The following ZNF827 variants were observed in gnomAD, a reference collection of about 807,000 sequenced individuals.
ZNF827 encodes zinc finger protein 827.
ZNF827 carries 13 observed loss-of-function variants against 102.4 expected under a neutral mutation model. The observed-to-expected ratio is 0.13, with a 90% CI of 0.08 to 0.20. The LOEUF (loss-of-function observed/expected upper bound fraction) is 0.20. Ranked by LOEUF, ZNF827 falls within the 10% of genes least tolerant of loss-of-function variation. ZNF827 has a pLI of 1.00. For missense variants in ZNF827, 1,103 were observed against 1,344.4 expected, an observed-to-expected ratio of 0.82 and a Z score of 2.81; for synonymous variants, 523 against 536.2, an observed-to-expected ratio of 0.98 and a Z score of 0.34.
At chr4:145,879,070 G>C (rs1749444154) in intron 4 of ZNF827, among the ~76,000 whole-genome samples, 1 of 152,100 alleles carries the variant, frequency 6.6e-6, no homozygotes, top group Admixed American at 6.5e-5. Flanking sequence ...TGAAGCCAAG[G>C]AAAATAAACA....
At chr4:145,816,146 A>C (rs1381126009) in intron 8 of ZNF827, among the ~76,000 whole-genome samples, 1 of 152,222 alleles carries the variant, frequency 6.6e-6, no homozygotes, top group South Asian at 2.1e-4. Flanking sequence ...CTGGGATTAT[A>C]GGTGTGGGCC....
chr4:145,932,096 T>C (rs1753850390), intron 1 of ZNF827, among the ~76,000 whole-genome samples: 1 of 152,184 alleles, frequency 6.6e-6, no homozygotes, highest in Non-Finnish European at 1.5e-5. Context: ...GTACCATCAT[T>C]GAAGCAGAGA....
chr4:145,861,871 T>C (rs536228397), intron 5 of ZNF827, among the ~76,000 whole-genome samples: 1 of 152,354 alleles, frequency 6.6e-6, no homozygotes, highest in Non-Finnish European at 1.5e-5. Context: ...TTTTCGTGGC[T>C]ATATTAACAT....
chr4:145,855,017 G>A (rs757155357), intron 5 of ZNF827, among the ~76,000 whole-genome samples: 4 of 152,180 alleles, frequency 2.6e-5, no homozygotes, highest in Non-Finnish European at 5.9e-5. Context: ...TGCTATGTTT[G>A]CCCCATACAT....
chr4:145,789,394 T>C (rs190696873), intron 8 of ZNF827, among the ~76,000 whole-genome samples: 1 of 152,222 alleles, frequency 6.6e-6, no homozygotes, highest in African/African-American at 2.4e-5. Context: ...TTGTTAAAAG[T>C]ATATTAAGGA....
At chr4:145,913,528 T>C (rs962001782) in intron 1 of ZNF827, among the ~76,000 whole-genome samples, 2 of 151,986 alleles carry the variant, frequency 1.3e-5, no homozygotes, top group Non-Finnish European at 2.9e-5. Context: ...CTTACATCCT[T>C]ACTCACGTTT....
At chr4:145,927,898 C>T (rs756243414) in intron 1 of ZNF827, among the ~76,000 whole-genome samples, 21 of 152,156 alleles carry the variant, frequency 1.4e-4, no homozygotes, top group Non-Finnish European at 2.6e-4. Flanking sequence ...TACTGTTTTC[C>T]GTTTTACATG....
At chr4:145,780,432 A>T (rs1451467503) in intron 8 of ZNF827, among the ~76,000 whole-genome samples, 1 of 152,212 alleles carries the variant, frequency 6.6e-6, no homozygotes, top group African/African-American at 2.4e-5. Context: ...ATGAACCAGA[A>T]TTTCCCCCAA....
intron 1 of ZNF827, among the ~76,000 whole-genome samples, chr4:145,931,273 C>T (rs1049896129): frequency 1.3e-4 from 20 of 151,994 alleles, no homozygotes; most frequent in African/African-American, 2.7e-4. Flanking sequence ...TACACTTAGC[C>T]CTAGATGGAA....
At position 145,857,981 on chromosome 4, in the gene ZNF827, C is replaced by T. The variant is rs79892903; in HGVS notation, c.1982-8420G>A. ...GAAAAAAGAAAAAAATGGAAAGGGT[C>T]AATTAAAGTATCTGATCTAACCTTA... is the stretch of plus-strand genomic sequence containing the variant. On this transcript the variant is annotated intron_variant, in intron 5 of 14. Coordinates refer to ENST00000508784, the MANE Select transcript of ZNF827 (RefSeq NM_001306215.2). Among the ~76,000 whole-genome samples the T allele has an allele frequency of 1.5e-3, 221 of 152,280 alleles. 1 individual carries two copies. Among genetic ancestry groups the T allele is most frequent in the African/African-American group, 5.1e-3 (213 of 41,554 alleles).
At chr4:145,845,446 T>C (rs530744740) in intron 7 of ZNF827, among the ~76,000 whole-genome samples, 1 of 152,360 alleles carries the variant, frequency 6.6e-6, no homozygotes, top group African/African-American at 2.4e-5. Flanking sequence ...ATTATCTTTT[T>C]TCTGCCTTTA....
At chr4:145,789,330 T>G (rs185981969) in intron 8 of ZNF827, among the ~76,000 whole-genome samples, 93 of 152,300 alleles carry the variant, frequency 6.1e-4, no homozygotes, top group Non-Finnish European at 1.1e-3. Flanking sequence ...AGTGCATAAA[T>G]AGTTTCATCC....
intron 8 of ZNF827, among the ~76,000 whole-genome samples, chr4:145,788,788 T>C (rs892402097): frequency 3.3e-5 from 5 of 152,226 alleles, no homozygotes; most frequent in African/African-American, 7.2e-5. Flanking sequence ...CAATGGGCCC[T>C]CAGAATGTCC....
rs1022843194 is a variant in ZNF827, at chr4:145,761,084, G to T, written c.*532C>A. ...TGGGAGGCAGACATAACTGACAGGG[G>T]AGACAGGAGATTCCGGGAGCTCCCG... is the stretch of plus-strand genomic sequence containing the variant. On this transcript the variant is annotated 3_prime_UTR_variant, in exon 15 of 15. Transcript: ENST00000508784. The surrounding 1 kb of genome is among the most constrained non-coding windows in gnomAD (Gnocchi z 6.8). 6.2e-6 allele frequency: 8 copies of T among 1,289,462 alleles called. No homozygotes were observed. The highest frequency in any genetic ancestry group is 8.1e-6 in the Non-Finnish European group (8 of 988,722). The allele number at this position is 1,289,462 out of a possible 1,614,324, so 79.9% of individuals were successfully genotyped here. A position where few individuals can be genotyped will look rare whatever the true frequency, so the allele number is the denominator to read the frequency against.
intron 8 of ZNF827, among the ~76,000 whole-genome samples, chr4:145,807,805 A>AC (rs1368448068): frequency 4.6e-5 from 7 of 151,654 alleles, no homozygotes; most frequent in African/African-American, 1.7e-4. Flanking sequence ...AAAAACAAAA[A>AC]AAAAACAAAA....
chr4:145,919,606 T>C (rs1014541497), intron 1 of ZNF827, among the ~76,000 whole-genome samples: 4 of 152,322 alleles, frequency 2.6e-5, no homozygotes, highest in Non-Finnish European at 5.9e-5. Flanking sequence ...CTCTTAGACA[T>C]GGTATGAGGA....
At position 145,761,045 on chromosome 4, in the gene ZNF827, C is replaced by G; in HGVS notation, c.*571G>C. 1 of 1,287,360 alleles carries G rather than the reference C, an allele frequency of 7.8e-7. No homozygotes were observed. The highest frequency in any genetic ancestry group is 1.0e-6 in the Non-Finnish European group (1 of 987,110). 79.7% of individuals were successfully genotyped at this position (1,287,360 alleles called of 1,614,324 possible). On this transcript the variant is annotated 3_prime_UTR_variant, in exon 15 of 15. Transcript: ENST00000508784. This position sits in a 1 kb window ranked among gnomAD's most constrained non-coding sequence, Gnocchi z 6.8. ...CTGCCGTGGGCTGCCGACAGGGCCA[C>G]GGTCTGCAGAGCCTGGGAGGCAGAC...
intron 11 of ZNF827, among the ~76,000 whole-genome samples, chr4:145,772,678 G>GC (rs1394650727): frequency 6.6e-6 from 1 of 152,178 alleles, no homozygotes; most frequent in African/African-American, 2.4e-5. Flanking sequence ...AAAAAAGCTT[G>GC]CAGGACCCTG....
intron 8 of ZNF827, among the ~76,000 whole-genome samples, chr4:145,796,670 C>T (rs1414079287): frequency 4.8e-5 from 6 of 126,096 alleles, no homozygotes; most frequent in African/African-American, 1.9e-4. Context: ...GCTCTTGTTG[C>T]CCAGGCTGGA....
Sources: allele counts gnomAD v4.1 joint callset (sites outside exome capture counted in the v4.1 genomes callset), GRCh38; gene constraint gnomAD v4.1.1; non-coding constraint Gnocchi (gnomAD v3.1); transcripts MANE v1.5; gene names NCBI Gene and HGNC (gene_info 2026-07-23, HGNC 2026-07-21).